The following PCDHGB5 variants were observed in gnomAD, a reference collection of about 807,000 sequenced individuals.
PCDHGB5 encodes protocadherin gamma-B5.
A neutral mutation model predicts 62.9 loss-of-function variants in PCDHGB5; 48 were observed. The observed-to-expected ratio is 0.76, with a 90% CI of 0.61 to 0.97. PCDHGB5 has a LOEUF of 0.97. Among genes scored for constraint, PCDHGB5 ranks in the 50% least tolerant of loss-of-function variants. The pLI is 0.00. For missense variants in PCDHGB5, 1,118 were observed against 1,198.6 expected (o/e 0.93, Z 0.99); for synonymous variants, 474 against 511.2 (o/e 0.93, Z 0.98).
intron 1 of PCDHGB5, chr5:141,413,141 G>A: frequency 1.3e-6 from 2 of 1,564,906 alleles, no homozygotes; most frequent in Non-Finnish European, 1.7e-6. Context: ...AACGTGTCCA[G>A]TGAGGACTTT....
At chr5:141,404,675 G>A (rs1048688884) in intron 1 of PCDHGB5, 2 of 1,614,200 alleles carry the variant, frequency 1.2e-6, no homozygotes, top group Non-Finnish European at 1.7e-6. Flanking sequence ...TTCTACTGGT[G>A]TGGAGCTGGC....
chr5:141,487,695 C>T lies in PCDHGB5; in HGVS notation c.2398-7112C>T, dbSNP rs1345224043. The stretch of plus-strand genomic sequence containing the variant: ...TGGCTAGGCCATGTCCTAGAGAGTA[C>T]TGGCCTCTCAGTAAGTGCCCATAGT... On this transcript the variant is annotated intron_variant, in intron 1 of 3. Coordinates refer to ENST00000617380, the MANE Select transcript of PCDHGB5 (RefSeq NM_018925.3). The surrounding 1 kb of genome is among the most constrained non-coding windows in gnomAD (Gnocchi z 5.0). 2 of 1,601,306 alleles carry T rather than the reference C, an allele frequency of 1.2e-6. No individual in the cohort carries two copies. Among genetic ancestry groups the T allele is most frequent in the East Asian group, 2.2e-5 (1 of 44,606 alleles).
At chr5:141,430,986 C>G (rs549700048) in intron 1 of PCDHGB5, 1 of 1,613,762 alleles carries the variant, frequency 6.2e-7, no homozygotes, top group African/African-American at 1.3e-5. Context: ...CAGCTTTTCG[C>G]CCTGAATCCG....
At position 141,490,346 on chromosome 5, in the gene PCDHGB5, T is replaced by G. The variant is rs1396321935; in HGVS notation, c.2398-4461T>G. 1.2e-6 allele frequency: 2 copies of G among 1,614,046 alleles called. No individual in the cohort carries two copies. Among genetic ancestry groups the G allele is most frequent in the African/African-American group, 2.7e-5 (2 of 74,900 alleles). ...GAGAGCACACCAGTGGGCACAGTAG[T>G]GGGGTTGTTTAATGTGCGAGACCGG... On this transcript the variant is annotated intron_variant, in intron 1 of 3. Coordinates refer to ENST00000617380, the MANE Select transcript of PCDHGB5 (RefSeq NM_018925.3). This position sits in a 1 kb window ranked among gnomAD's most constrained non-coding sequence, Gnocchi z 5.4.
intron 1 of PCDHGB5, chr5:141,430,769 G>T: frequency 6.6e-7 from 1 of 1,508,212 alleles, no homozygotes; most frequent in Non-Finnish European, 8.9e-7. Context: ...AATGATTCCT[G>T]CGCGACTGCA....
rs747633858 is a variant in PCDHGB5, at chr5:141,491,133, C to T, written c.2398-3674C>T. 6.2e-6 allele frequency: 10 copies of T among 1,614,158 alleles called. No homozygotes were observed. In the South Asian group the frequency reaches 9.9e-5, roughly 16 times the overall value. The stretch of plus-strand genomic sequence containing the variant: ...CACACACTGGTGAGGTGCGCACAGC[C>T]CGGGCCTTACTGGAGGATGACTCTG... On this transcript the variant is annotated intron_variant, in intron 1 of 3. Transcript: ENST00000617380. The surrounding 1 kb of genome is among the most constrained non-coding windows in gnomAD (Gnocchi z 6.9).
chr5:141,509,155 C>G (rs981661695), intron 3 of PCDHGB5, among the ~76,000 whole-genome samples: 3 of 152,202 alleles, frequency 2.0e-5, no homozygotes, highest in Non-Finnish European at 4.4e-5. Flanking sequence ...GCTCTCCCCT[C>G]CCGTGTGCCC....
chr5:141,404,132 T>C, intron 1 of PCDHGB5: 1 of 1,613,136 alleles, frequency 6.2e-7, no homozygotes, highest in Non-Finnish European at 8.5e-7. Context: ...ATCTTTTACA[T>C]TAGAAAATTC....
chr5:141,464,913 A>AT (rs1366203949), intron 1 of PCDHGB5, among the ~76,000 whole-genome samples: 2 of 151,546 alleles, frequency 1.3e-5, no homozygotes, highest in South Asian at 4.2e-4. Flanking sequence ...TAATTTTTTT[A>AT]TTTTTTTGTA....
chr5:141,433,199 A>G (rs2097574804), intron 1 of PCDHGB5: 1 of 1,579,570 alleles, frequency 6.3e-7, no homozygotes, highest in Non-Finnish European at 8.6e-7. Context: ...TTTATATCAA[A>G]TCTTCTTTCT....
At chr5:141,478,735 G>T in intron 1 of PCDHGB5, 1 of 1,535,968 alleles carries the variant, frequency 6.5e-7, no homozygotes, top group Non-Finnish European at 8.8e-7. Flanking sequence ...AGTGTGGTTT[G>T]TGGTCCCATT....
rs562479827 is a variant in PCDHGB5, at chr5:141,430,802, C to A, written c.2397+30278C>A. The A allele has an allele frequency of 1.2e-5, 18 of 1,524,776 alleles. No homozygotes were observed. The East Asian group carries it at 3.9e-4, about 33-fold the overall frequency. The allele number at this position is 1,524,776 out of a possible 1,614,324, so 94.5% of individuals were successfully genotyped here. On this transcript the variant is annotated intron_variant, in intron 1 of 3. Coordinates refer to ENST00000617380, the MANE Select transcript of PCDHGB5 (RefSeq NM_018925.3). ...GCACCGGGACTACAAAGGGCTTGTC[C>A]TGCTGGGAATCCTCCTGGGGACTCT... is the stretch of plus-strand genomic sequence containing the variant.
At chr5:141,433,308 C>A in intron 1 of PCDHGB5, 2 of 915,352 alleles carry the variant, frequency 2.2e-6, no homozygotes, top group Non-Finnish European at 1.6e-6. Context: ...ATTATCCCAC[C>A]TTTGCCTCCG....
intron 1 of PCDHGB5, chr5:141,404,332 C>T (rs1257075931): frequency 6.2e-7 from 1 of 1,613,916 alleles, no homozygotes; most frequent in East Asian, 2.2e-5. Context: ...ACTCAGTCTA[C>T]CTCCCGGAAA....
chr5:141,508,971 T>C (rs776443205), intron 3 of PCDHGB5, among the ~76,000 whole-genome samples: 14 of 152,004 alleles, frequency 9.2e-5, no homozygotes, highest in Non-Finnish European at 2.1e-4. Context: ...ATGAAAGGGC[T>C]GGGGGTGGGG....
At chr5:141,474,426 C>T (rs2099349464) in intron 1 of PCDHGB5, among the ~76,000 whole-genome samples, 1 of 152,198 alleles carries the variant, frequency 6.6e-6, no homozygotes, top group Non-Finnish European at 1.5e-5. Context: ...ACCATTGGTC[C>T]TCACACTTTG....
At chr5:141,443,093 C>T (rs1316602934) in intron 1 of PCDHGB5, among the ~76,000 whole-genome samples, 2 of 151,940 alleles carry the variant, frequency 1.3e-5, no homozygotes, top group African/African-American at 4.8e-5. Flanking sequence ...CAGTCTCCTT[C>T]TCAAGCTGAA....
Position 141,477,032 on chromosome 5 carries a change from A to G in PCDHGB5, c.2398-17775A>G, listed in dbSNP as rs1026169829. 2 of 1,614,134 alleles carry G rather than the reference A, an allele frequency of 1.2e-6. No homozygotes were observed. Among genetic ancestry groups the G allele is most frequent in the Non-Finnish European group, 1.7e-6 (2 of 1,180,044 alleles). ...AGACCTTGTAACCGGGATGCTGACA[A>G]TCAAGGGTCGGCTGGACTTCGAGGA... On this transcript the variant is annotated intron_variant, in intron 1 of 3. Transcript: ENST00000617380. This position sits in a 1 kb window ranked among gnomAD's most constrained non-coding sequence, Gnocchi z 4.9.
intron 1 of PCDHGB5, among the ~76,000 whole-genome samples, chr5:141,434,192 A>G (rs2097676888): frequency 6.6e-6 from 1 of 152,194 alleles, no homozygotes; most frequent in Non-Finnish European, 1.5e-5. Context: ...TGTAATTCCA[A>G]TGTACTTACT....
Sources: gnomAD v4.1 joint callset for allele counts (sites outside exome capture counted in the v4.1 genomes callset) on GRCh38, gnomAD v4.1.1 for gene constraint, Gnocchi (gnomAD v3.1) non-coding constraint, MANE v1.5 for transcripts, NCBI Gene and HGNC (gene_info 2026-07-23, HGNC 2026-07-21) for gene names.